Variants in YIF1B observed in about 807,000 individuals in gnomAD.
YIF1B encodes Yip1 interacting factor homolog B, membrane trafficking protein, also known as protein YIF1B.
A neutral mutation model predicts 34.6 loss-of-function variants in YIF1B; 24 were observed. That is an observed-to-expected ratio of 0.69 (90% CI 0.50 to 0.98). The LOEUF (loss-of-function observed/expected upper bound fraction) is 0.98, where lower values mean the gene tolerates loss of function less well. Ranked by LOEUF, YIF1B falls within the 50% of genes least tolerant of loss-of-function variation. The pLI is 0.00. For synonymous variants in YIF1B, 186 were observed against 184.8 expected, an observed-to-expected ratio of 1.01 and a Z score of -0.05; for missense variants, 368 against 429.4, an observed-to-expected ratio of 0.86 and a Z score of 1.26.
intron 5 of YIF1B, 51 bp from the exon 6 acceptor site, chr19:38,307,803 C>T (rs753312975): frequency 1.3e-6 from 2 of 1,599,594 alleles, no homozygotes; most frequent in South Asian, 1.1e-5. Context: ...ACCCCCCACC[C>T]CCAGCACCCA....
chr19:38,309,599 G>T lies in YIF1B; in HGVS notation c.103C>A (p.Pro35Thr). 6.3e-7 allele frequency: 1 copy of T among 1,599,040 alleles called. No individual in the cohort carries two copies. Among genetic ancestry groups the T allele is most frequent in the South Asian group, 1.1e-5 (1 of 88,798 alleles). Residue 35 changes from proline to threonine, a missense_variant, in exon 2 of 8, where the codon CCC becomes ACC. By Grantham distance (38) the Pro-to-Thr change is conservative (BLOSUM62 -1). Transcript: ENST00000339413. ...IPVSQPGMAD[P>T]HQLFDDTSSA... Reference sequence around the variant, plus strand: ...CTTGTGTCATCGAAAAGCTGGTGGGGGTCGGCCATGCCCGGCTGGGACACA... The same window carrying T: ...CTTGTGTCATCGAAAAGCTGGTGGGTGTCGGCCATGCCCGGCTGGGACACA...
Position 38,309,459 on chromosome 19 carries a change from G to A in YIF1B, c.243C>T (p.Ala81=). The A allele has an allele frequency of 6.2e-7, 1 of 1,614,074 alleles. No individual in the cohort carries two copies. Among genetic ancestry groups the A allele is most frequent in the Non-Finnish European group, 8.5e-7 (1 of 1,180,008 alleles). ...AFLADPVSNM[A]MAYGSSLAAQ... ...CGGCCAGGCTGCTCCCATAGGCCATGGCCATGTTGGACACCGGGTCAGCCA... is the reference window on the plus strand; with the variant it reads ...CGGCCAGGCTGCTCCCATAGGCCATAGCCATGTTGGACACCGGGTCAGCCA... Residue 81 remains alanine, a synonymous_variant, in exon 2 of 8, where the codon GCC becomes GCT. Transcript: ENST00000339413.
At position 38,304,857 on chromosome 19, in the gene YIF1B, G is replaced by C. The variant is rs146775455; in HGVS notation, c.*495C>G. On this transcript the variant is annotated 3_prime_UTR_variant, in exon 8 of 8. Coordinates refer to ENST00000339413, the MANE Select transcript of YIF1B (RefSeq NM_001039672.3). ...CTCGGCCCCACAGTCCCACGCTGCT[G>C]GCTCCAAGCAGCACGAGAGCATCCC... 1 of 1,613,616 alleles carries C rather than the reference G, an allele frequency of 6.2e-7. No homozygotes were observed. The highest frequency in any genetic ancestry group is 1.3e-5 in the African/African-American group (1 of 74,904).
At chr19:38,320,643 C>T (rs568475101), upstream of YIF1B, among the ~76,000 whole-genome samples, 2 of 152,122 alleles carry the variant, frequency 1.3e-5, no homozygotes, top group South Asian at 4.2e-4. Context: ...ACGGCAGCCT[C>T]CGCCTCCCGG....
In YIF1B at chr19:38,309,659, G is replaced by A. The variant is rs778288465; in HGVS notation, c.59-16C>T. On this transcript the variant is annotated splice_polypyrimidine_tract_variant and intron_variant, in intron 1 of 7. Transcript: ENST00000339413. Reference sequence around the variant, plus strand: ...CGCTTCGAGGCTGCAAGGGAAGAGAGTGAGAAGGAGCTGGGGACCCAGGAT... The same window carrying A: ...CGCTTCGAGGCTGCAAGGGAAGAGAATGAGAAGGAGCTGGGGACCCAGGAT... The A allele has an allele frequency of 1.3e-6, 2 of 1,590,314 alleles. No homozygotes were observed. Among genetic ancestry groups the A allele is most frequent in the Admixed American group, 1.8e-5 (1 of 56,660 alleles).
chr19:38,314,053 G>C (rs1480645363), intron 1 of YIF1B, among the ~76,000 whole-genome samples: 1 of 151,880 alleles, frequency 6.6e-6, no homozygotes, highest in Non-Finnish European at 1.5e-5. Context: ...TTGAGGCGTT[G>C]TTTCGCTCGT....
chr19:38,317,224 T>A (rs1416082051), upstream of YIF1B: 1 of 152,232 alleles, frequency 6.6e-6, no homozygotes, highest in Non-Finnish European at 1.5e-5. Flanking sequence ...TCCCCCCTTC[T>A]CTCCCTCTCA....
At chr19:38,318,193 CAAAAAA>C (rs35748833), upstream of YIF1B, among the ~76,000 whole-genome samples, 89 of 29,886 alleles carry the variant, frequency 3.0e-3, no homozygotes, top group South Asian at 0.091. Flanking sequence ...ACTCTTGTCT[CAAAAAA>C]AAAAAAAAAA....
intron 1 of YIF1B, among the ~76,000 whole-genome samples, chr19:38,310,177 CAT>C (rs1969265695): frequency 2.0e-5 from 3 of 148,338 alleles, no homozygotes; most frequent in Admixed American, 6.7e-5. Flanking sequence ...TCCATCCATT[CAT>C]CCATCCACCC....
chr19:38,320,110 G>C (rs1969631151), upstream of YIF1B: 1 of 1,573,220 alleles, frequency 6.4e-7, no homozygotes, highest in African/African-American at 1.4e-5. Context: ...CAGCCCGTGT[G>C]TGGCTGCCCC....
upstream of YIF1B, among the ~76,000 whole-genome samples, chr19:38,318,386 C>A (rs1052852343): frequency 6.6e-6 from 1 of 151,888 alleles, no homozygotes; most frequent in South Asian, 2.1e-4. Flanking sequence ...TGAGCTCAAA[C>A]GATCCTCCTG....
intron 5 of YIF1B, 122 bp from the exon 6 acceptor site, chr19:38,307,874 C>A: frequency 7.9e-7 from 1 of 1,273,886 alleles, no homozygotes. Context: ...GATGGATGTG[C>A]GCGCTATCCT....
chr19:38,315,326 CA>C, intron 1 of YIF1B: 1 of 1,044,166 alleles, frequency 9.6e-7, no homozygotes, highest in Non-Finnish European at 1.2e-6. Flanking sequence ...TGTGCCTCCT[CA>C]GGGCTCCCAC....
intron 7 of YIF1B, chr19:38,307,002 G>C: frequency 2.1e-6 from 1 of 475,000 alleles, no homozygotes; most frequent in Non-Finnish European, 4.4e-6. Flanking sequence ...TGAATTTAAA[G>C]AAAGGAAGTG....
rs1968921691 is a variant in YIF1B at position 38,304,838 on chromosome 19, C to T, written c.*514G>A. 6.2e-7 allele frequency: 1 copy of T among 1,613,584 alleles called. No individual in the cohort carries two copies. Reference sequence around the variant, plus strand: ...CTTCTCTCCCATCCCTGCCCTCGGCCCCACAGTCCCACGCTGCTGGCTCCA... The same window carrying T: ...CTTCTCTCCCATCCCTGCCCTCGGCTCCACAGTCCCACGCTGCTGGCTCCA... On this transcript the variant is annotated 3_prime_UTR_variant, in exon 8 of 8. Transcript: ENST00000339413.
chr19:38,304,976 C>G lies in YIF1B; in HGVS notation c.*376G>C, dbSNP rs1268560665. On this transcript the variant is annotated 3_prime_UTR_variant, in exon 8 of 8. Transcript: ENST00000339413. ...AGGCTCCCCACTGAAGGGCCCTGGACAGGGCTCATTAAACCTTCCTCTCTG... is the reference window on the plus strand; with the variant it reads ...AGGCTCCCCACTGAAGGGCCCTGGAGAGGGCTCATTAAACCTTCCTCTCTG... 5.0e-6 allele frequency: 8 copies of G among 1,589,532 alleles called. No homozygotes were observed. The highest frequency in any genetic ancestry group is 2.7e-5 in the African/African-American group (2 of 73,938).
Position 38,304,173 on chromosome 19 carries a change from A to G in YIF1B, c.*1179T>C. The G allele has an allele frequency of 1.3e-6, 2 of 1,522,146 alleles. No individual in the cohort carries two copies. The highest frequency in any genetic ancestry group is 1.8e-6 in the Non-Finnish European group (2 of 1,108,674). 94.3% of individuals were successfully genotyped at this position (1,522,146 alleles called of 1,614,324 possible). A position where few individuals can be genotyped will look rare whatever the true frequency, so the allele number is the denominator to read the frequency against. ...GGTGGGGCGTCTCAGCATTCCTCCA[A>G]CGGGCAGGTCTCAGCGCTCCTCCCC... On this transcript the variant is annotated 3_prime_UTR_variant, in exon 8 of 8. Coordinates refer to ENST00000339413, the MANE Select transcript of YIF1B (RefSeq NM_001039672.3).
upstream of YIF1B, among the ~76,000 whole-genome samples, chr19:38,318,874 G>C (rs574461708): frequency 4.4e-4 from 67 of 151,622 alleles, no homozygotes; most frequent in Middle Eastern, 3.4e-3. Flanking sequence ...AGAGACTTAC[G>C]GGGGGGCGCA....
chr19:38,319,779 G>A, upstream of YIF1B: 1 of 663,878 alleles, frequency 1.5e-6, no homozygotes, highest in South Asian at 2.9e-5. Flanking sequence ...GTTTCCCGGA[G>A]GCGGGGCATT....
Sources: allele counts gnomAD v4.1 joint callset (sites outside exome capture counted in the v4.1 genomes callset), GRCh38; gene constraint gnomAD v4.1.1; transcripts MANE v1.5; gene names NCBI Gene and HGNC (gene_info 2026-07-23, HGNC 2026-07-21).